The following EEF1AKMT1 variants were observed in gnomAD, a reference collection of about 807,000 sequenced individuals.
EEF1AKMT1 encodes the protein N-6 adenine-specific DNA methyltransferase 2 (putative).
In EEF1AKMT1, 18 loss-of-function variants were observed where a neutral mutation model predicts 21.0. The ratio of observed to expected loss-of-function variants is 0.86; its 90% CI spans 0.59 to 1.27. The LOEUF (loss-of-function observed/expected upper bound fraction) is 1.27, where lower values mean the gene tolerates loss of function less well. Ranked by LOEUF, EEF1AKMT1 falls within the 50% of genes most tolerant of loss-of-function variation. The pLI, the probability that EEF1AKMT1 is intolerant of heterozygous loss-of-function variation, is 0.00. For missense variants in EEF1AKMT1, 246 were observed against 258.6 expected (o/e 0.95, Z 0.33); for synonymous variants, 109 against 94.8 (o/e 1.15, Z -0.87).
chr13:20,732,791 T>A (rs2058804881), intron 3 of EEF1AKMT1, among the ~76,000 whole-genome samples: 1 of 152,186 alleles, frequency 6.6e-6, no homozygotes, highest in Non-Finnish European at 1.5e-5. Context: ...TTTAAATACT[T>A]TTTGTCCCAA....
chr13:20,738,940 C>T (rs1595014786), intron 2 of EEF1AKMT1, among the ~76,000 whole-genome samples: 1 of 152,174 alleles, frequency 6.6e-6, no homozygotes, highest in Non-Finnish European at 1.5e-5. Context: ...GGTTCTTGGT[C>T]TCACTGACTT....
Position 20,729,072 on chromosome 13 carries a change from G to C in EEF1AKMT1, c.*8C>G, listed in dbSNP as rs1335844688. 6.2e-7 allele frequency: 1 copy of C among 1,614,084 alleles called. No individual in the cohort carries two copies. Among genetic ancestry groups the C allele is most frequent in the Non-Finnish European group, 8.5e-7 (1 of 1,180,002 alleles). Reference sequence around the variant, plus strand: ...GGGTTCCTTCCTGTGTTATGTCACCGTCTGTAATCAGATCCCACAGTCCAG... The same window carrying C: ...GGGTTCCTTCCTGTGTTATGTCACCCTCTGTAATCAGATCCCACAGTCCAG... On this transcript the variant is annotated 3_prime_UTR_variant, in exon 5 of 5. Transcript: ENST00000382758.
chr13:20,748,715 G>GGTTTGTTTT lies in EEF1AKMT1; in HGVS notation c.144+8739_144+8740insAAAACAAAC, dbSNP rs1555326495. On this transcript the variant is annotated intron_variant, in intron 2 of 4. Coordinates refer to ENST00000382758, the MANE Select transcript of EEF1AKMT1 (RefSeq NM_001318939.2). ...TTCTTCACCCTCCTAATGTATAGTTGTTTTTTTTTGGTTTTTTTTTTTTTT... is the reference window on the plus strand; with the variant it reads ...TTCTTCACCCTCCTAATGTATAGTTGGTTTGTTTTTTTTTTTTTGGTTTTTTTTTTTTTT... Among the ~76,000 whole-genome samples the GGTTTGTTTT allele has an allele frequency of 5.8e-4, 61 of 105,840 alleles. 2 individuals are homozygous for GGTTTGTTTT. Among genetic ancestry groups the GGTTTGTTTT allele is most frequent in the African/African-American group, 2.2e-3 (60 of 27,176 alleles). The allele number at this position is 105,840 out of a possible 152,430, so 69.4% of individuals were successfully genotyped here. A position where few individuals can be genotyped will look rare whatever the true frequency, so the allele number is the denominator to read the frequency against.
chr13:20,770,146 G>C (rs1361144864), intron 1 of EEF1AKMT1, among the ~76,000 whole-genome samples: 1 of 152,140 alleles, frequency 6.6e-6, no homozygotes, highest in Non-Finnish European at 1.5e-5. Context: ...AGGAAATTCT[G>C]ATATATGCTA....
At chr13:20,748,722 T>TTG (rs761720049) in intron 2 of EEF1AKMT1, among the ~76,000 whole-genome samples, 56 of 78,702 alleles carry the variant, frequency 7.1e-4, no homozygotes, top group Non-Finnish European at 1.2e-3. Context: ...GTTGTTTTTT[T>TTG]TTGGTTTTTT....
At position 20,728,872 on chromosome 13, in the gene EEF1AKMT1, A is replaced by G; in HGVS notation, c.*208T>C. The G allele has an allele frequency of 1.7e-6, 1 of 596,150 alleles. No homozygotes were observed. Among genetic ancestry groups the G allele is most frequent in the East Asian group, 2.9e-5 (1 of 34,790 alleles). The allele number at this position is 596,150 out of a possible 1,614,324, so 36.9% of individuals were successfully genotyped here. A position where few individuals can be genotyped will look rare whatever the true frequency, so the allele number is the denominator to read the frequency against. On this transcript the variant is annotated 3_prime_UTR_variant, in exon 5 of 5. Transcript: ENST00000382758. ...TAAGGTTTCTTCCAACTCGAATTCC[A>G]TGGATTCAGGTTGGCAGAAGACTGA...
intron 2 of EEF1AKMT1, among the ~76,000 whole-genome samples, chr13:20,745,722 G>A (rs2058900189): frequency 6.6e-6 from 1 of 152,094 alleles, no homozygotes; most frequent in Non-Finnish European, 1.5e-5. Flanking sequence ...GGTGGCAGGA[G>A]CCTGTAATCC....
intron 1 of EEF1AKMT1, among the ~76,000 whole-genome samples, chr13:20,761,807 C>A (rs2059002671): frequency 6.6e-6 from 1 of 152,184 alleles, no homozygotes; most frequent in Non-Finnish European, 1.5e-5. Context: ...GTATTGAGAT[C>A]TAATTCATAT....
intron 1 of EEF1AKMT1, among the ~76,000 whole-genome samples, chr13:20,764,880 A>C (rs1346769686): frequency 1.4e-5 from 2 of 139,826 alleles, no homozygotes; most frequent in African/African-American, 5.4e-5. Context: ...TTTCACTTTC[A>C]ACACACACAC....
At chr13:20,756,458 C>A (rs955346144) in intron 2 of EEF1AKMT1, among the ~76,000 whole-genome samples, 2 of 152,172 alleles carry the variant, frequency 1.3e-5, no homozygotes, top group Non-Finnish European at 2.9e-5. Context: ...GTTCAGTTCC[C>A]CAATTTCCGG....
chr13:20,738,656 AG>A (rs1163633620), intron 2 of EEF1AKMT1, among the ~76,000 whole-genome samples: 1 of 152,256 alleles, frequency 6.6e-6, no homozygotes, highest in Non-Finnish European at 1.5e-5. Flanking sequence ...GGCCATAAAA[AG>A]GAACAGGGTA....
chr13:20,766,224 G>A (rs1467982398), intron 1 of EEF1AKMT1, among the ~76,000 whole-genome samples: 1 of 150,048 alleles, frequency 6.7e-6, no homozygotes, highest in African/African-American at 2.5e-5. Context: ...ACTTGAACCT[G>A]GGAGGAGGAG....
At chr13:20,735,262 T>C (rs989110010) in intron 3 of EEF1AKMT1, among the ~76,000 whole-genome samples, 8 of 152,138 alleles carry the variant, frequency 5.3e-5, no homozygotes, top group African/African-American at 1.7e-4. Flanking sequence ...CTGGGAGGTT[T>C]TACTGAAAGG....
chr13:20,773,019 C>A (rs1245240977), intron 1 of EEF1AKMT1, among the ~76,000 whole-genome samples: 1 of 152,152 alleles, frequency 6.6e-6, no homozygotes, highest in East Asian at 1.9e-4. Flanking sequence ...TCTCCAAATA[C>A]TTTTTATAAA....
intron 2 of EEF1AKMT1, 38 bp from the exon 3 acceptor site, chr13:20,737,843 G>T: frequency 6.9e-7 from 1 of 1,455,186 alleles, no homozygotes; most frequent in Non-Finnish European, 9.6e-7. Flanking sequence ...TTTTAGAACT[G>T]GCATAAGCTT....
rs1020245647 is a variant in EEF1AKMT1 at position 20,728,779 on chromosome 13, G to A, written c.*301C>T. The stretch of plus-strand genomic sequence containing the variant: ...GGTCCTGTCTCATTCAGGAGCCCTT[G>A]GGCAAGCCACACAACTGTTCTTCTG... On this transcript the variant is annotated 3_prime_UTR_variant, in exon 5 of 5. Transcript: ENST00000382758. 8.0e-6 allele frequency: 3 copies of A among 375,576 alleles called. No homozygotes were observed. The highest frequency in any genetic ancestry group is 6.2e-5 in the African/African-American group (3 of 48,258). 23.3% of individuals were successfully genotyped at this position (375,576 alleles called of 1,614,324 possible).
intron 4 of EEF1AKMT1, among the ~76,000 whole-genome samples, chr13:20,731,538 A>G (rs1355553940): frequency 6.6e-6 from 1 of 152,242 alleles, no homozygotes; most frequent in African/African-American, 2.4e-5. Context: ...GATAAAGGGT[A>G]GAGGCTGGAT....
intron 1 of EEF1AKMT1, among the ~76,000 whole-genome samples, chr13:20,773,308 T>C (rs1222949122): frequency 6.6e-6 from 1 of 152,144 alleles, no homozygotes; most frequent in Admixed American, 6.5e-5. Flanking sequence ...TCCCTCCCGG[T>C]AGGGACCCGC....
chr13:20,741,360 A>C (rs1297385768), intron 2 of EEF1AKMT1, among the ~76,000 whole-genome samples: 1 of 151,738 alleles, frequency 6.6e-6, no homozygotes, highest in Non-Finnish European at 1.5e-5. Flanking sequence ...TCCATAGACC[A>C]TCTTACACCC....
Sources: allele counts gnomAD v4.1 joint callset (sites outside exome capture counted in the v4.1 genomes callset), GRCh38; gene constraint gnomAD v4.1.1; transcripts MANE v1.5; gene names NCBI Gene and HGNC (gene_info 2026-07-23, HGNC 2026-07-21).